CA12: variants seen among roughly 807,000 people sequenced by gnomAD.
The protein encoded by CA12 is carbonate dehydratase XII.
A neutral mutation model predicts 46.8 loss-of-function variants in CA12; 36 were observed. The observed-to-expected ratio is 0.77, with a 90% CI of 0.59 to 1.02. The LOEUF is 1.02. Ranked by LOEUF, CA12 falls within the 50% of genes least tolerant of loss-of-function variation. The pLI is 0.00. For synonymous variants in CA12, 202 were observed against 187.0 expected, an observed-to-expected ratio of 1.08 and a Z score of -0.65; for missense variants, 436 against 451.4, an observed-to-expected ratio of 0.97 and a Z score of 0.31.
chr15:63,324,922 T>A lies in CA12; in HGVS notation c.*1363A>T. The A allele has an allele frequency of 6.6e-6, 1 of 152,158 alleles. No homozygotes were observed. Among genetic ancestry groups the A allele is most frequent in the Non-Finnish European group, 1.5e-5 (1 of 68,036 alleles). 9.4% of individuals were successfully genotyped at this position (152,158 alleles called of 1,614,324 possible). On this transcript the variant is annotated 3_prime_UTR_variant, in exon 11 of 11. Transcript: ENST00000178638. ...GTGAATCAGAAAGTTCTCGGGGAAC[T>A]GCAAGGTGCTCTCAACTAGGGGTCG... is the stretch of plus-strand genomic sequence containing the variant.
At position 63,339,948 on chromosome 15, in the gene CA12, A is replaced by T; in HGVS notation, c.747+340T>A. 2.7e-6 allele frequency: 1 copy of T among 367,802 alleles called. No individual in the cohort carries two copies. The highest frequency in any genetic ancestry group is 2.2e-5 in the South Asian group (1 of 44,912). 22.8% of individuals were successfully genotyped at this position (367,802 alleles called of 1,614,324 possible). A position where few individuals can be genotyped will look rare whatever the true frequency, so the allele number is the denominator to read the frequency against. On this transcript the variant is annotated intron_variant, in intron 7 of 10. Transcript: ENST00000178638. This position sits in a 1 kb window ranked among gnomAD's most constrained non-coding sequence, Gnocchi z 4.3. ...GCAATCCCATCTCTTAAATGATTTC[A>T]TCTGATCCTGTCTTTATTCTGCCCT...
At chr15:63,367,184 G>A (rs1169268001) in intron 2 of CA12, among the ~76,000 whole-genome samples, 1 of 152,160 alleles carries the variant, frequency 6.6e-6, no homozygotes, top group African/African-American at 2.4e-5. Context: ...GCCTCCCAAG[G>A]TGCTGGGATT....
At position 63,339,272 on chromosome 15, in the gene CA12, G is replaced by A. The variant is rs925116424; in HGVS notation, c.748-327C>T. 2.2e-5 allele frequency among the ~76,000 whole-genome samples: 3 copies of A among 138,048 alleles called. No individual in the cohort carries two copies. The highest frequency in any genetic ancestry group is 5.0e-5 in the Non-Finnish European group (3 of 59,672). The allele number at this position is 138,048 out of a possible 152,430, so 90.6% of individuals were successfully genotyped here. A position where few individuals can be genotyped will look rare whatever the true frequency, so the allele number is the denominator to read the frequency against. ...GATGGAGTGCTCCTTAACCTCCACAGAGACTGAGTTCCTCTCATGAACTTA... is the reference window on the plus strand; with the variant it reads ...GATGGAGTGCTCCTTAACCTCCACAAAGACTGAGTTCCTCTCATGAACTTA... On this transcript the variant is annotated intron_variant, in intron 7 of 10. Transcript: ENST00000178638. This position sits in a 1 kb window ranked among gnomAD's most constrained non-coding sequence, Gnocchi z 4.3.
intron 2 of CA12, among the ~76,000 whole-genome samples, chr15:63,371,664 CAG>C (rs2039509051): frequency 6.6e-6 from 1 of 152,220 alleles, no homozygotes. Flanking sequence ...CTTGAGCAAA[CAG>C]GGGTTTTCAT....
chr15:63,360,311 G>A (rs2039344917), intron 2 of CA12, among the ~76,000 whole-genome samples: 1 of 152,164 alleles, frequency 6.6e-6, no homozygotes. Context: ...TAAAGGGGGC[G>A]GCTAGCAAAC....
At position 63,330,051 on chromosome 15, in the gene CA12, G is replaced by A. The variant is rs575140107; in HGVS notation, c.875-1921C>T. ...GAGAAGAGCTGTCCCCAAGGACAGGGAAGCCTATTCTCCCTACTCTGCTCA... is the reference window on the plus strand; with the variant it reads ...GAGAAGAGCTGTCCCCAAGGACAGGAAAGCCTATTCTCCCTACTCTGCTCA... On this transcript the variant is annotated intron_variant, in intron 8 of 10. Coordinates refer to ENST00000178638, the MANE Select transcript of CA12 (RefSeq NM_001218.5). The surrounding 1 kb of genome is among the most constrained non-coding windows in gnomAD (Gnocchi z 4.0). 6.6e-6 allele frequency among the ~76,000 whole-genome samples: 1 copy of A among 152,342 alleles called. No homozygotes were observed. Among genetic ancestry groups the A allele is most frequent in the South Asian group, 2.1e-4 (1 of 4,830 alleles).
chr15:63,361,302 G>C (rs1381434846), intron 2 of CA12, among the ~76,000 whole-genome samples: 1 of 152,234 alleles, frequency 6.6e-6, no homozygotes, highest in East Asian at 1.9e-4. Context: ...CCTTTGCAAA[G>C]AACACTGTTT....
Position 63,338,877 on chromosome 15 carries a change from G to A in CA12, c.816C>T (p.Asn272=). The A allele has an allele frequency of 1.2e-6, 2 of 1,614,234 alleles. No homozygotes were observed. The highest frequency in any genetic ancestry group is 1.7e-6 in the Non-Finnish European group (2 of 1,180,032). ...CGAACTTCTGGACCTGCCGGAAGTT[G>A]TTGATCATTTCTCTGGGGGAAGGGT... is the stretch of plus-strand genomic sequence containing the variant. ...MDDPSPREMI[N]NFRQVQKFDE... The change falls in exon 8 of 11, where the codon AAC becomes AAT. Residue 272 remains asparagine (N), a synonymous_variant. Transcript: ENST00000178638.
intron 2 of CA12, among the ~76,000 whole-genome samples, chr15:63,358,594 G>A (rs973329173): frequency 6.6e-6 from 1 of 152,230 alleles, no homozygotes; most frequent in African/African-American, 2.4e-5. Context: ...TTTGTGAAGA[G>A]TGTGAAGCGG....
rs778476608 is a variant in CA12 at position 63,326,330 on chromosome 15, G to T, written c.1020C>A (p.Val340=). The change falls in exon 11 of 11, where the codon GTC becomes GTA. Residue 340 remains valine, a synonymous_variant. Coordinates refer to ENST00000178638, the MANE Select transcript of CA12 (RefSeq NM_001218.5). ...KSIKKGDNKG[V]IYKPATKMET... is the part of the protein sequence containing the mutation. ...CCATCTTGGTGGCTGGCTTGTAAATGACTCCCTTGTTATCACCTTTTTTGA... is the reference window on the plus strand; with the variant it reads ...CCATCTTGGTGGCTGGCTTGTAAATTACTCCCTTGTTATCACCTTTTTTGA... 5 of 1,613,854 alleles carry T rather than the reference G, an allele frequency of 3.1e-6. No homozygotes were observed. In the Admixed American group the frequency reaches 6.7e-5, roughly 22 times the overall value.
At chr15:63,361,073 G>T (rs1338420039) in intron 2 of CA12, among the ~76,000 whole-genome samples, 1 of 152,218 alleles carries the variant, frequency 6.6e-6, no homozygotes, top group African/African-American at 2.4e-5. Context: ...CCAGGGGTGG[G>T]GGGATTCATA....
Position 63,339,611 on chromosome 15 carries a change from A to G in CA12, c.748-666T>C, listed in dbSNP as rs534181913. Among the ~76,000 whole-genome samples the G allele has an allele frequency of 6.6e-6, 1 of 152,334 alleles. No individual in the cohort carries two copies. The highest frequency in any genetic ancestry group is 2.1e-4 in the South Asian group (1 of 4,832). On this transcript the variant is annotated intron_variant, in intron 7 of 10. Transcript: ENST00000178638. This position sits in a 1 kb window ranked among gnomAD's most constrained non-coding sequence, Gnocchi z 4.3. ...AGGAGCAGCTGTGAGGCTGCCCTGG[A>G]CGCATGAAGCTGGCGTGGGGCTGTG...
chr15:63,379,272 C>T (rs145472667), intron 1 of CA12, among the ~76,000 whole-genome samples: 148 of 152,132 alleles, frequency 9.7e-4, no homozygotes, highest in African/African-American at 3.4e-3. Flanking sequence ...GGAGAAGCGG[C>T]GTTGTAAGTG....
chr15:63,349,647 G>A (rs1267982242), intron 2 of CA12, among the ~76,000 whole-genome samples: 2 of 152,214 alleles, frequency 1.3e-5, no homozygotes, highest in South Asian at 2.1e-4. Flanking sequence ...AGATTTAAGA[G>A]ATTTGCCGGA....
chr15:63,380,553 C>G (rs181455461), intron 1 of CA12, among the ~76,000 whole-genome samples: 1 of 152,154 alleles, frequency 6.6e-6, no homozygotes, highest in Admixed American at 6.5e-5. Context: ...ACTTTTACAT[C>G]GCTCCTTTCT....
rs2039080163 is a variant in CA12, at chr15:63,341,541, T to C, written c.525+461A>G. Among the ~76,000 whole-genome samples the C allele has an allele frequency of 6.6e-6, 1 of 152,206 alleles. No homozygotes were observed. Among genetic ancestry groups the C allele is most frequent in the Non-Finnish European group, 1.5e-5 (1 of 68,026 alleles). On this transcript the variant is annotated intron_variant, in intron 5 of 10. Coordinates refer to ENST00000178638, the MANE Select transcript of CA12 (RefSeq NM_001218.5). This position sits in a 1 kb window ranked among gnomAD's most constrained non-coding sequence, Gnocchi z 5.2. ...CAAAACCATCTCCCTCCCTGGTCCA[T>C]GGTCCGTGGAAAAATTGTCTTCTAT...
At position 63,346,507 on chromosome 15, in the gene CA12, G is replaced by A. The variant is rs764456543; in HGVS notation, c.286+23C>T. ...GAGGGAGACTCAGACATACCCCTCA[G>A]GTCTCCAAGGCCTCTCCCTCACCTG... On this transcript the variant is annotated intron_variant, in intron 3 of 10. Transcript: ENST00000178638. 3.2e-6 allele frequency: 5 copies of A among 1,568,586 alleles called. No individual in the cohort carries two copies. The Admixed American group carries it at 8.5e-5, about 27-fold the overall frequency.
At chr15:63,371,596 A>G (rs2039507895) in intron 2 of CA12, among the ~76,000 whole-genome samples, 1 of 152,244 alleles carries the variant, frequency 6.6e-6, no homozygotes, top group Admixed American at 6.5e-5. Context: ...ACCCTCCAGG[A>G]GGAAGGCTTG....
rs762247061 is a variant in CA12, at chr15:63,341,059, T to G, written c.526-276A>C. Among the ~76,000 whole-genome samples, 9 of 152,134 alleles carry G rather than the reference T, an allele frequency of 5.9e-5. No homozygotes were observed. The highest frequency in any genetic ancestry group is 2.2e-4 in the African/African-American group (9 of 41,416). ...GTGTGTGCTCTTGATGATCCAGATA[T>G]GAGCCTGAAGGCTTTGACTAACATC... On this transcript the variant is annotated intron_variant, in intron 5 of 10. Transcript: ENST00000178638. The surrounding 1 kb of genome is among the most constrained non-coding windows in gnomAD (Gnocchi z 5.2).
Sources: gnomAD v4.1 joint callset for allele counts (sites outside exome capture counted in the v4.1 genomes callset) on GRCh38, gnomAD v4.1.1 for gene constraint, Gnocchi (gnomAD v3.1) non-coding constraint, MANE v1.5 for transcripts, NCBI Gene and HGNC (gene_info 2026-07-23, HGNC 2026-07-21) for gene names.